Variants in PDE8A observed in about 807,000 individuals in gnomAD.
PDE8A encodes high affinity cAMP-specific and IBMX-insensitive 3',5'-cyclic phosphodiesterase 8A.
In PDE8A, 59 loss-of-function variants were observed where a neutral mutation model predicts 105.0. The observed-to-expected ratio is 0.56, with a 90% CI of 0.46 to 0.70. The LOEUF is 0.70. Among genes scored for constraint, PDE8A ranks in the 30% least tolerant of loss-of-function variants. The pLI, the probability that PDE8A is intolerant of heterozygous loss-of-function variation, is 0.00. For missense variants in PDE8A, 1,014 were observed against 1,045.9 expected (o/e 0.97, Z 0.42); for synonymous variants, 355 against 371.9 (o/e 0.95, Z 0.52).
intron 17 of PDE8A, among the ~76,000 whole-genome samples, chr15:85,118,133 C>T (rs112620002): frequency 1.3e-5 from 2 of 152,178 alleles, no homozygotes; most frequent in African/African-American, 2.4e-5. Flanking sequence ...TCACTCCAAG[C>T]CTGTACACTA....
At position 85,061,915 on chromosome 15, in the gene PDE8A, G is replaced by C. The variant is rs188475122; in HGVS notation, c.187-2455G>C. 3.5e-4 allele frequency among the ~76,000 whole-genome samples: 53 copies of C among 151,964 alleles called. 1 individual carries two copies. The East Asian group carries it at 0.01, about 29-fold the overall frequency. ...TAGTGAATTTTTCATTCCAGTTATTGTACTTTTCAGCTCCAGAAATTATTT... is the reference window on the plus strand; with the variant it reads ...TAGTGAATTTTTCATTCCAGTTATTCTACTTTTCAGCTCCAGAAATTATTT... On this transcript the variant is annotated intron_variant, in intron 1 of 21. Transcript: ENST00000394553.
chr15:85,036,887 C>G (rs1322998167), intron 1 of PDE8A, among the ~76,000 whole-genome samples: 1 of 152,106 alleles, frequency 6.6e-6, no homozygotes, highest in Admixed American at 6.5e-5. Context: ...CTGACCCTTT[C>G]CTGTCCTCCC....
chr15:85,110,294 C>G (rs1312676231), intron 12 of PDE8A, among the ~76,000 whole-genome samples: 1 of 152,174 alleles, frequency 6.6e-6, no homozygotes, highest in Non-Finnish European at 1.5e-5. Context: ...TGGTATATTT[C>G]TGTGTTTTAA....
At chr15:85,116,262 G>A (rs1243738920) in intron 16 of PDE8A, 143 bp downstream of exon 16, 2 of 723,452 alleles carry the variant, frequency 2.8e-6, no homozygotes, top group Non-Finnish European at 2.2e-6. Flanking sequence ...GGCACCAGGT[G>A]GCTCTGAGTC....
intron 1 of PDE8A, among the ~76,000 whole-genome samples, chr15:85,021,912 C>T (rs1212967600): frequency 6.6e-6 from 1 of 152,210 alleles, no homozygotes; most frequent in African/African-American, 2.4e-5. Context: ...AGGCACATTC[C>T]ATCTGTTTGT....
In PDE8A at chr15:85,086,645, A is replaced by C. The variant is rs150096402; in HGVS notation, c.636-2693A>C. On this transcript the variant is annotated intron_variant, in intron 6 of 21. Coordinates refer to ENST00000394553, the MANE Select transcript of PDE8A (RefSeq NM_002605.3). ...TTTATTTACCGTATCTGCGAAAGTTAAAAAAAAGTATGATAAAACCCAGTA... is the reference window on the plus strand; with the variant it reads ...TTTATTTACCGTATCTGCGAAAGTTCAAAAAAAGTATGATAAAACCCAGTA... Among the ~76,000 whole-genome samples, 363 of 152,210 alleles carry C rather than the reference A, an allele frequency of 2.4e-3. 1 individual carries two copies. Among genetic ancestry groups the C allele is most frequent in the African/African-American group, 8.4e-3 (349 of 41,518 alleles).
Position 85,105,765 on chromosome 15 carries a change from G to A in PDE8A, c.1037-3288G>A, listed in dbSNP as rs16974867. 7.5e-3 allele frequency among the ~76,000 whole-genome samples: 1,142 copies of A among 152,302 alleles called. 18 individuals are homozygous for A. Among genetic ancestry groups the A allele is most frequent in the African/African-American group, 0.026 (1,075 of 41,560 alleles). ...TAGTTAGTGTTCTCTCCACTGGCAG[G>A]CCGGATACCTCAGGATGAGTATGTG... On this transcript the variant is annotated intron_variant, in intron 11 of 21. Transcript: ENST00000394553.
chr15:85,022,614 T>G (rs1017414348), intron 1 of PDE8A, among the ~76,000 whole-genome samples: 1 of 151,418 alleles, frequency 6.6e-6, no homozygotes, highest in African/African-American at 2.4e-5. Context: ...AGTGGCGTGA[T>G]CTCAGCTCAC....
At chr15:85,008,834 C>G (rs1282975976) in intron 1 of PDE8A, among the ~76,000 whole-genome samples, 3 of 152,116 alleles carry the variant, frequency 2.0e-5, no homozygotes, top group Admixed American at 6.5e-5. Flanking sequence ...CATAGTCTGC[C>G]AACATTGTCT....
Position 85,113,396 on chromosome 15 carries a change from C to G in PDE8A, c.1134C>G (p.His378Gln). 2 of 1,614,156 alleles carry G rather than the reference C, an allele frequency of 1.2e-6. No homozygotes were observed. Among genetic ancestry groups the G allele is most frequent in the Non-Finnish European group, 1.7e-6 (2 of 1,179,978 alleles). ...RATEVSSQRR[H>Q]SSMARIHSMT... ...CCACAGTTTCCAGCCAGAGACGACA[C>G]TCTTCCATGGCCCGGATACATTCCA... The change falls in exon 13 of 22, where the codon CAC becomes CAG. Residue 378 changes from histidine (H) to glutamine (Q), a missense_variant. Physicochemically the swap from His to Gln is conservative, Grantham distance 24. Transcript: ENST00000394553.
At chr15:85,010,737 A>C (rs2080225980) in intron 1 of PDE8A, among the ~76,000 whole-genome samples, 1 of 152,134 alleles carries the variant, frequency 6.6e-6, no homozygotes, top group Non-Finnish European at 1.5e-5. Flanking sequence ...GGTTAGTAGG[A>C]GGTTGGAGCC....
chr15:85,000,275 A>C (rs1394819503), intron 1 of PDE8A, among the ~76,000 whole-genome samples: 1 of 152,232 alleles, frequency 6.6e-6, no homozygotes, highest in Admixed American at 6.5e-5. Flanking sequence ...TGGAGAAGGA[A>C]GCTGTGTTAT....
chr15:85,021,257 C>G (rs2080421693), intron 1 of PDE8A, among the ~76,000 whole-genome samples: 1 of 152,136 alleles, frequency 6.6e-6, no homozygotes, highest in South Asian at 2.1e-4. Flanking sequence ...TATAAATTGT[C>G]CAAGCCTGGT....
intron 6 of PDE8A, among the ~76,000 whole-genome samples, chr15:85,087,928 T>A (rs1247442807): frequency 1.3e-5 from 2 of 152,178 alleles, no homozygotes; most frequent in African/African-American, 4.8e-5. Context: ...GACGTCTGGG[T>A]ATTGGGATTT....
intron 1 of PDE8A, among the ~76,000 whole-genome samples, chr15:84,987,890 C>G (rs1378090373): frequency 1.3e-5 from 2 of 152,142 alleles, no homozygotes; most frequent in Non-Finnish European, 2.9e-5. Flanking sequence ...AAAAAAAGAA[C>G]AGAGGGATAA....
chr15:85,041,131 T>C (rs902316429), intron 1 of PDE8A, among the ~76,000 whole-genome samples: 1 of 152,172 alleles, frequency 6.6e-6, no homozygotes. Flanking sequence ...ACCTCAGTAA[T>C]TGGTTCCTGA....
At chr15:85,006,406 G>A (rs530218522) in intron 1 of PDE8A, among the ~76,000 whole-genome samples, 1 of 152,240 alleles carries the variant, frequency 6.6e-6, no homozygotes, top group Admixed American at 6.5e-5. Context: ...CAGATTCCAG[G>A]TGGGGCTAAA....
chr15:85,123,657 C>A (rs538173178), intron 19 of PDE8A, among the ~76,000 whole-genome samples: 44 of 152,118 alleles, frequency 2.9e-4, no homozygotes, highest in Non-Finnish European at 5.7e-4. Flanking sequence ...CTTCCCCAGC[C>A]CACTGACTCA....
chr15:85,076,419 C>A (rs2081381389), intron 4 of PDE8A, among the ~76,000 whole-genome samples: 1 of 150,560 alleles, frequency 6.6e-6, no homozygotes, highest in African/African-American at 2.4e-5. Flanking sequence ...AAAAAAAAAA[C>A]CTGGAAGTAG....
Sources: allele counts gnomAD v4.1 joint callset (sites outside exome capture counted in the v4.1 genomes callset), GRCh38; gene constraint gnomAD v4.1.1; transcripts MANE v1.5; gene names NCBI Gene and HGNC (gene_info 2026-07-23, HGNC 2026-07-21).